The following ARHGAP15 variants were observed in gnomAD, a reference collection of about 807,000 sequenced individuals.
ARHGAP15 encodes Rho GTPase activating protein 15, also known as rho GTPase-activating protein 15.
A neutral mutation model predicts 63.7 loss-of-function variants in ARHGAP15; 51 were observed. The observed-to-expected ratio is 0.80, with a 90% CI of 0.64 to 1.01. ARHGAP15 has a LOEUF of 1.01. ARHGAP15 is among the 50% of genes least tolerant of loss of function. The pLI, the probability that ARHGAP15 is intolerant of heterozygous loss-of-function variation, is 0.00. For synonymous variants in ARHGAP15, 191 were observed against 193.8 expected (o/e 0.99, Z 0.12); for missense variants, 560 against 564.6 (o/e 0.99, Z 0.08).
chr2:143,478,249 G>C (rs1045919466), intron 8 of ARHGAP15, among the ~76,000 whole-genome samples: 5 of 152,154 alleles, frequency 3.3e-5, no homozygotes, highest in Non-Finnish European at 5.9e-5. Flanking sequence ...GCAATCCAGA[G>C]AGTATTCAGC....
At chr2:143,740,065 A>G (rs536210526) in intron 13 of ARHGAP15, among the ~76,000 whole-genome samples, 20 of 152,160 alleles carry the variant, frequency 1.3e-4, no homozygotes, top group East Asian at 9.7e-4. Flanking sequence ...GCTGTGTTTG[A>G]GAGATTATGT....
At chr2:143,207,843 C>G (rs1692401665) in intron 3 of ARHGAP15, among the ~76,000 whole-genome samples, 1 of 152,122 alleles carries the variant, frequency 6.6e-6, no homozygotes, top group South Asian at 2.1e-4. Context: ...CACATTGACA[C>G]TTGAATTATT....
At chr2:143,716,736 A>G (rs1684828674) in intron 13 of ARHGAP15, among the ~76,000 whole-genome samples, 2 of 152,246 alleles carry the variant, frequency 1.3e-5, no homozygotes, top group Non-Finnish European at 2.9e-5. Flanking sequence ...GCCAATACCA[A>G]TACTCGATTG....
chr2:143,739,254 C>T (rs1048072565), intron 13 of ARHGAP15, among the ~76,000 whole-genome samples: 3 of 152,246 alleles, frequency 2.0e-5, no homozygotes, highest in African/African-American at 7.2e-5. Flanking sequence ...GCAAAAACAA[C>T]AAGAGGGAAT....
chr2:143,189,199 A>T (rs1691574898), intron 2 of ARHGAP15, among the ~76,000 whole-genome samples: 1 of 152,116 alleles, frequency 6.6e-6, no homozygotes. Flanking sequence ...CTGATTACCA[A>T]CTTTTTGTTG....
chr2:143,305,426 A>G (rs1398166423), intron 6 of ARHGAP15: 1 of 152,142 alleles, frequency 6.6e-6, no homozygotes, highest in Admixed American at 6.6e-5. Context: ...TAGCTATGTA[A>G]CAAACCTGCA....
At chr2:143,153,834 T>C (rs376620078) in intron 1 of ARHGAP15, among the ~76,000 whole-genome samples, 17,183 of 70,534 alleles carry the variant, frequency 0.24, 1,968 homozygotes, top group East Asian at 0.35. Context: ...CTTCTTCTTC[T>C]TCTTCTTCTT....
At chr2:143,372,186 G>GA (rs200316805) in intron 6 of ARHGAP15, among the ~76,000 whole-genome samples, 146 of 150,776 alleles carry the variant, frequency 9.7e-4, no homozygotes, top group African/African-American at 3.3e-3. Context: ...GAAAAATAGA[G>GA]AAAAAAATAG....
At chr2:143,520,889 C>T (rs769062212) in intron 10 of ARHGAP15, among the ~76,000 whole-genome samples, 2 of 152,104 alleles carry the variant, frequency 1.3e-5, no homozygotes, top group Admixed American at 6.6e-5. Context: ...CCATTCCTCC[C>T]GATTTATGTC....
chr2:143,261,164 C>T (rs145553797), intron 6 of ARHGAP15, among the ~76,000 whole-genome samples: 47 of 152,108 alleles, frequency 3.1e-4, no homozygotes, highest in African/African-American at 1.1e-3. Context: ...ACTAAATTCC[C>T]ATTTAGTCAG....
intron 10 of ARHGAP15, among the ~76,000 whole-genome samples, chr2:143,548,030 T>G (rs1695405350): frequency 2.6e-5 from 4 of 152,098 alleles, no homozygotes; most frequent in Admixed American, 2.0e-4. Flanking sequence ...TCAGGGTATT[T>G]AGTTCTTTTC....
intron 8 of ARHGAP15, among the ~76,000 whole-genome samples, chr2:143,475,055 G>A (rs1359354877): frequency 2.0e-5 from 3 of 152,138 alleles, no homozygotes; most frequent in Non-Finnish European, 4.4e-5. Flanking sequence ...TTTCAAAATG[G>A]ACAACACATA....
At chr2:143,258,005 A>G (rs536827383) in intron 6 of ARHGAP15, among the ~76,000 whole-genome samples, 2 of 152,210 alleles carry the variant, frequency 1.3e-5, no homozygotes, top group South Asian at 4.1e-4. Flanking sequence ...CATGCTGTGT[A>G]TGATTTTTAA....
chr2:143,435,143 G>T, intron 6 of ARHGAP15: 2 of 443,776 alleles, frequency 4.5e-6, no homozygotes, highest in Non-Finnish European at 3.0e-6. Context: ...TAGTGTTTTT[G>T]GTAAATAAAC....
chr2:143,758,303 A>T (rs1559163653), intron 13 of ARHGAP15, among the ~76,000 whole-genome samples: 1 of 151,518 alleles, frequency 6.6e-6, no homozygotes, highest in Non-Finnish European at 1.5e-5. Flanking sequence ...AATATATATA[A>T]AATAGGTAGA....
At chr2:143,284,114 C>T (rs1225330693) in intron 6 of ARHGAP15, among the ~76,000 whole-genome samples, 2 of 152,078 alleles carry the variant, frequency 1.3e-5, no homozygotes, top group African/African-American at 4.8e-5. Context: ...AACCTGTTTC[C>T]GAATATTTAT....
At chr2:143,752,705 A>C (rs1328132363) in intron 13 of ARHGAP15, among the ~76,000 whole-genome samples, 3 of 152,202 alleles carry the variant, frequency 2.0e-5, no homozygotes, top group African/African-American at 7.2e-5. Context: ...GGTGGGCAAC[A>C]GGATTGGGCA....
intron 8 of ARHGAP15, among the ~76,000 whole-genome samples, chr2:143,461,703 A>C (rs1449949515): frequency 6.6e-6 from 1 of 152,176 alleles, no homozygotes; most frequent in Non-Finnish European, 1.5e-5. Flanking sequence ...ATGACCAAGG[A>C]TATCCTTGAC....
At chr2:143,319,379 C>T (rs1315557301) in intron 6 of ARHGAP15, among the ~76,000 whole-genome samples, 1 of 151,986 alleles carries the variant, frequency 6.6e-6, no homozygotes, top group Non-Finnish European at 1.5e-5. Context: ...CGCGCATCAC[C>T]ATGCCTGGCT....
Sources: gnomAD v4.1 joint callset for allele counts (sites outside exome capture counted in the v4.1 genomes callset) on GRCh38, gnomAD v4.1.1 for gene constraint, MANE v1.5 for transcripts, NCBI Gene and HGNC (gene_info 2026-07-23, HGNC 2026-07-21) for gene names.